The following FAM118B variants were observed in gnomAD, a reference collection of about 807,000 sequenced individuals.
FAM118B encodes SIR2 antiphage like 1.
In FAM118B, 24 loss-of-function variants were observed where a neutral mutation model predicts 38.5. That is an observed-to-expected ratio of 0.62 (90% CI 0.45 to 0.88). The LOEUF (loss-of-function observed/expected upper bound fraction) is 0.88, where lower values mean the gene tolerates loss of function less well. Ranked by LOEUF, FAM118B falls within the 40% of genes least tolerant of loss-of-function variation. FAM118B has a pLI of 0.00. For missense variants in FAM118B, 334 were observed against 420.0 expected (o/e 0.80, Z 1.79); for synonymous variants, 138 against 156.3 (o/e 0.88, Z 0.87).
intron 5 of FAM118B, among the ~76,000 whole-genome samples, chr11:126,251,091 T>C (rs1012107727): frequency 6.6e-6 from 1 of 152,198 alleles, no homozygotes; most frequent in Non-Finnish European, 1.5e-5. Flanking sequence ...ATGGCATCTA[T>C]TGGAAATGTA....
At chr11:126,257,851 A>G (rs1209185230) in intron 7 of FAM118B, among the ~76,000 whole-genome samples, 3 of 152,184 alleles carry the variant, frequency 2.0e-5, no homozygotes, top group African/African-American at 7.2e-5. Context: ...TCCACATTCT[A>G]ACAATAAAGA....
chr11:126,225,247 A>G (rs1159235452), intron 1 of FAM118B, among the ~76,000 whole-genome samples: 2 of 152,096 alleles, frequency 1.3e-5, no homozygotes, highest in East Asian at 1.9e-4. Flanking sequence ...ATCCTTTTCA[A>G]TTTTTTATTT....
At chr11:126,238,668 T>C (rs1290915167) in intron 3 of FAM118B, among the ~76,000 whole-genome samples, 1 of 152,192 alleles carries the variant, frequency 6.6e-6, no homozygotes, top group East Asian at 1.9e-4. Flanking sequence ...AAGGGAAACC[T>C]CTAGCCTGCT....
chr11:126,219,257 G>A (rs1441432092), intron 1 of FAM118B, among the ~76,000 whole-genome samples: 1 of 150,136 alleles, frequency 6.7e-6, no homozygotes, highest in Non-Finnish European at 1.5e-5. Flanking sequence ...TTAGTGTCAT[G>A]GAATGCAGCA....
At chr11:126,217,862 G>A (rs1043183393) in intron 1 of FAM118B, among the ~76,000 whole-genome samples, 3 of 152,236 alleles carry the variant, frequency 2.0e-5, no homozygotes, top group African/African-American at 7.2e-5. Flanking sequence ...CTCTCAGAAT[G>A]TTGAAGGCAT....
rs914956739 is a variant in FAM118B at position 126,252,532 on chromosome 11, G to A, written c.568-1773G>A. ...AAGCTGAGGCGGGAGGATCACTTGA[G>A]CCTAGTTCAAGACCAACCTGGGCAT... On this transcript the variant is annotated intron_variant, in intron 5 of 8. Transcript: ENST00000533050. The surrounding 1 kb of genome is among the most constrained non-coding windows in gnomAD (Gnocchi z 4.7). Among the ~76,000 whole-genome samples, 8 of 151,954 alleles carry A rather than the reference G, an allele frequency of 5.3e-5. No homozygotes were observed. Among genetic ancestry groups the A allele is most frequent in the African/African-American group, 1.9e-4 (8 of 41,350 alleles).
At chr11:126,240,235 G>T (rs1360763839) in intron 3 of FAM118B, among the ~76,000 whole-genome samples, 1 of 150,718 alleles carries the variant, frequency 6.6e-6, no homozygotes, top group Non-Finnish European at 1.5e-5. Context: ...GGTATGTAGG[G>T]CCCCTGTGTT....
At chr11:126,222,790 T>A (rs1016664348) in intron 1 of FAM118B, among the ~76,000 whole-genome samples, 3 of 152,230 alleles carry the variant, frequency 2.0e-5, no homozygotes, top group African/African-American at 7.2e-5. Context: ...TGTTTGAACT[T>A]CTTCTGCACC....
chr11:126,242,452 C>T lies in FAM118B; in HGVS notation c.339+1408C>T, dbSNP rs116090496. Among the ~76,000 whole-genome samples the T allele has an allele frequency of 4.8e-3, 733 of 152,088 alleles. 4 individuals carry two copies. Among genetic ancestry groups the T allele is most frequent in the African/African-American group, 0.017 (696 of 41,508 alleles). ...CAAAAGAAAAAAAAAAGTGAAAAGACAGCTTCCAGAATGAGAAAATGTTAG... is the reference window on the plus strand; with the variant it reads ...CAAAAGAAAAAAAAAAGTGAAAAGATAGCTTCCAGAATGAGAAAATGTTAG... On this transcript the variant is annotated intron_variant, in intron 4 of 8. Coordinates refer to ENST00000533050, the MANE Select transcript of FAM118B (RefSeq NM_024556.4).
intron 5 of FAM118B, among the ~76,000 whole-genome samples, chr11:126,251,254 G>T (rs1328106821): frequency 6.6e-6 from 1 of 152,210 alleles, no homozygotes; most frequent in Admixed American, 6.5e-5. Context: ...GTTGATCTGT[G>T]TCAGCTAATG....
intron 4 of FAM118B, among the ~76,000 whole-genome samples, chr11:126,247,309 C>T (rs1181646168): frequency 6.6e-6 from 1 of 152,066 alleles, no homozygotes; most frequent in Non-Finnish European, 1.5e-5. Context: ...AGACAAACTT[C>T]CATTTTGAAT....
chr11:126,240,801 T>A lies in FAM118B; in HGVS notation c.96T>A (p.Leu32=). ...TGTTTTGCTTTTATAGGAAGCTGCT[T>A]CCAAGCTTAAAAACTAAGAAGCCTC... ...EPPTKKPRKL[L]PSLKTKKPRE... Residue 32 remains leucine (L), a synonymous_variant, in exon 4 of 9, where the codon CTT becomes CTA. Transcript: ENST00000533050. The A allele has an allele frequency of 6.2e-7, 1 of 1,603,936 alleles. No homozygotes were observed. Among genetic ancestry groups the A allele is most frequent in the South Asian group, 1.1e-5 (1 of 90,028 alleles).
chr11:126,259,026 T>A (rs1212892982), intron 7 of FAM118B, among the ~76,000 whole-genome samples: 2 of 152,222 alleles, frequency 1.3e-5, no homozygotes, highest in African/African-American at 2.4e-5. Context: ...GTGTTCTGTA[T>A]CTTTAAACAA....
chr11:126,216,041 A>G (rs909433012), intron 1 of FAM118B, among the ~76,000 whole-genome samples: 2 of 151,986 alleles, frequency 1.3e-5, no homozygotes, highest in Non-Finnish European at 2.9e-5. Context: ...TGTGTAATAC[A>G]GTTTAAAAGT....
chr11:126,219,387 T>TTTTTTTTTTTTG (rs1331413148), intron 1 of FAM118B, among the ~76,000 whole-genome samples: 1 of 111,002 alleles, frequency 9.0e-6, no homozygotes, highest in Non-Finnish European at 1.8e-5. Flanking sequence ...TTTTTTTTTT[T>TTTTTTTTTTTTG]TTGAGAGTCT....
chr11:126,256,825 T>G lies in FAM118B; in HGVS notation c.955T>G (p.Cys319Gly). ...TCCAGAATATTTCAAGCGACTGACA[T>G]GTGAGATCTCCACAAGGGGTACATC... ...DLPEYFKRLT[C>G]EISTRGTSAG... Residue 319 changes from cysteine to glycine, a missense_variant, in exon 7 of 9, where the codon TGT becomes GGT. By Grantham distance (159) the Cys-to-Gly change is radical (BLOSUM62 -3). This residue lies in a region of FAM118B where 88 missense variants were observed against 98.1 expected (regional missense o/e 0.90). Transcript: ENST00000533050. This position sits in a 1 kb window ranked among gnomAD's most constrained non-coding sequence, Gnocchi z 6.6. The G allele has an allele frequency of 6.2e-7, 1 of 1,611,992 alleles. No homozygotes were observed. Among genetic ancestry groups the G allele is most frequent in the African/African-American group, 1.3e-5 (1 of 74,506 alleles).
rs541288667 is a variant in FAM118B, at chr11:126,222,837, T to C, written c.-76-6388T>C. 2.9e-4 allele frequency among the ~76,000 whole-genome samples: 44 copies of C among 152,276 alleles called. No individual in the cohort carries two copies. In the South Asian group the frequency reaches 4.1e-3, roughly 14 times the overall value. On this transcript the variant is annotated intron_variant, in intron 1 of 8. Coordinates refer to ENST00000533050, the MANE Select transcript of FAM118B (RefSeq NM_024556.4). ...TTATAACAGGAACTATGCTATGGGA[T>C]GGGGATAGGATGATAAATAAATTAG...
chr11:126,237,515 G>A (rs894686881), intron 3 of FAM118B, among the ~76,000 whole-genome samples: 5 of 143,860 alleles, frequency 3.5e-5, no homozygotes, highest in African/African-American at 1.2e-4. Context: ...TGGGATGACA[G>A]GCGTGAGCCA....
At chr11:126,225,624 A>G (rs887228392) in intron 1 of FAM118B, among the ~76,000 whole-genome samples, 2 of 152,064 alleles carry the variant, frequency 1.3e-5, no homozygotes, top group Non-Finnish European at 2.9e-5. Flanking sequence ...CCAGTTTGTC[A>G]TGGTTGGTCA....
Sources: allele counts gnomAD v4.1 joint callset (sites outside exome capture counted in the v4.1 genomes callset), GRCh38; gene constraint gnomAD v4.1.1; regional missense constraint gnomAD v4.1.1; non-coding constraint Gnocchi (gnomAD v3.1); transcripts MANE v1.5; gene names NCBI Gene and HGNC (gene_info 2026-07-23, HGNC 2026-07-21).